The following FRMPD4 variants were observed in gnomAD, a reference collection of about 807,000 sequenced individuals.
FRMPD4 encodes FERM and PDZ domain containing 4, also known as FERM and PDZ domain-containing protein 4.
In FRMPD4, 22 loss-of-function variants were observed where a neutral mutation model predicts 94.1. The ratio of observed to expected loss-of-function variants is 0.23; its 90% CI spans 0.17 to 0.33. The LOEUF is 0.33. FRMPD4 is among the 10% of genes least tolerant of loss of function. FRMPD4 has a pLI of 1.00. For synonymous variants in FRMPD4, 631 were observed against 548.6 expected (o/e 1.15, Z -2.10); for missense variants, 1,111 against 1,339.9 (o/e 0.83, Z 2.67).
chrX:12,647,427 G>A (rs1248425716), intron 4 of FRMPD4, among the ~76,000 whole-genome samples: 1 of 111,634 alleles, frequency 9.0e-6, no homozygotes, highest in Non-Finnish European at 1.9e-5. Context: ...TGAGGGAGTG[G>A]AGGTATTTAT....
intron 1 of FRMPD4, among the ~76,000 whole-genome samples, chrX:12,347,511 C>T (rs2055732938): frequency 1.8e-5 from 2 of 111,797 alleles, no homozygotes; most frequent in Non-Finnish European, 3.8e-5. Context: ...TCTGGGATTA[C>T]AGGCGTGAGC....
At chrX:12,079,954 C>T (rs1188268692) in intron 3 of FRMPD4, among the ~76,000 whole-genome samples, 1 of 112,332 alleles carries the variant, frequency 8.9e-6, no homozygotes, top group Non-Finnish European at 1.9e-5. Context: ...TCTTAATGTG[C>T]CATTTGGATC....
At chrX:12,008,020 G>A (rs2054562795) in intron 3 of FRMPD4, among the ~76,000 whole-genome samples, 1 of 111,496 alleles carries the variant, frequency 9.0e-6, no homozygotes, top group Admixed American at 9.5e-5. Flanking sequence ...AAATGGGCAG[G>A]GCACCAGAAA....
chrX:11,856,030 G>A lies in FRMPD4; in HGVS notation c.-160-9056G>A, dbSNP rs1173045720. ...ATTGACTTACAATTCCACACAGCTG[G>A]GAAGGCCTTAGGAAACTTATAGAGG... On this transcript the variant is annotated intron_variant, in intron 1 of 18. Transcript: ENST00000640291. 1.8e-5 allele frequency among the ~76,000 whole-genome samples: 2 copies of A among 111,998 alleles called. 1 individual carries two copies. The highest frequency in any genetic ancestry group is 5.6e-4 in the East Asian group (2 of 3,603).
chrX:12,371,802 C>T (rs1471551967), intron 1 of FRMPD4, among the ~76,000 whole-genome samples: 3 of 111,283 alleles, frequency 2.7e-5, no homozygotes, highest in South Asian at 7.6e-4. Context: ...ACGCACAGTT[C>T]GATTTGAATT....
At chrX:12,575,307 T>G (rs1355238587) in intron 2 of FRMPD4, among the ~76,000 whole-genome samples, 1 of 90,201 alleles carries the variant, frequency 1.1e-5, no homozygotes, top group Non-Finnish European at 2.2e-5. Flanking sequence ...CATTTATAAG[T>G]AAAGGTCTTT....
At chrX:12,439,054 A>G (rs2057103778) in intron 1 of FRMPD4, among the ~76,000 whole-genome samples, 1 of 111,312 alleles carries the variant, frequency 9.0e-6, no homozygotes, top group South Asian at 3.9e-4. Flanking sequence ...GACTCCATCC[A>G]GAGCAAAGGC....
intron 1 of FRMPD4, among the ~76,000 whole-genome samples, chrX:11,851,950 CAAAAA>C (rs201359187): frequency 4.1e-4 from 28 of 69,042 alleles, no homozygotes; most frequent in African/African-American, 1.0e-3. Context: ...AAATATTATA[CAAAAA>C]AAAAAAAAAA....
chrX:11,988,083 AC>A (rs1256254048), intron 3 of FRMPD4, among the ~76,000 whole-genome samples: 3 of 111,905 alleles, frequency 2.7e-5, no homozygotes, highest in Non-Finnish European at 5.7e-5. Flanking sequence ...ATAGAAAAAA[AC>A]AACCCTAACA....
intron 3 of FRMPD4, among the ~76,000 whole-genome samples, chrX:11,878,348 C>A (rs1363315487): frequency 8.9e-6 from 1 of 112,073 alleles, no homozygotes; most frequent in African/African-American, 3.2e-5. Flanking sequence ...GCTGCCTGTT[C>A]ATTTCTATGG....
chrX:12,125,490 G>A (rs887964522), intron 3 of FRMPD4, among the ~76,000 whole-genome samples: 7 of 110,418 alleles, frequency 6.3e-5, no homozygotes, highest in Non-Finnish European at 7.6e-5. Flanking sequence ...TCCTCTGATG[G>A]GCAATTGGGA....
intron 1 of FRMPD4, among the ~76,000 whole-genome samples, chrX:12,385,594 A>G (rs760694410): frequency 8.9e-6 from 1 of 112,729 alleles, no homozygotes; most frequent in Non-Finnish European, 1.9e-5. Flanking sequence ...ACGCCAATCA[A>G]CAAAAGTTTA....
At chrX:12,016,094 T>C (rs185409152) in intron 3 of FRMPD4, among the ~76,000 whole-genome samples, 191 of 112,264 alleles carry the variant, frequency 1.7e-3, no homozygotes, top group Non-Finnish European at 1.2e-3. Context: ...TTCCATTGGA[T>C]TCTATAACTT....
chrX:12,595,177 T>A (rs1227867965), intron 2 of FRMPD4, among the ~76,000 whole-genome samples: 1 of 111,692 alleles, frequency 9.0e-6, no homozygotes, highest in Non-Finnish European at 1.9e-5. Flanking sequence ...GAGAATTGAA[T>A]GTCTTCCTTG....
At chrX:12,657,601 G>T (rs962859540) in intron 4 of FRMPD4, among the ~76,000 whole-genome samples, 16 of 111,987 alleles carry the variant, frequency 1.4e-4, no homozygotes, top group African/African-American at 4.9e-4. Flanking sequence ...CAAAGGAAGG[G>T]AATTATACAC....
intron 1 of FRMPD4, among the ~76,000 whole-genome samples, chrX:12,455,511 T>C (rs899554203): frequency 1.8e-5 from 2 of 112,093 alleles, no homozygotes; most frequent in African/African-American, 6.5e-5. Context: ...ACATCTCCTA[T>C]GTTCCACAAA....
At position 12,132,755 on chromosome X, in the gene FRMPD4, T is replaced by C. The variant is rs547816424; in HGVS notation, c.95+254737T>C. On this transcript the variant is annotated intron_variant, in intron 3 of 18. Coordinates refer to the FRMPD4 transcript ENST00000640291. ...TCAATAAGGACTGAGCAATGGCTGTTGGATCCAGCTACGTGGAGTCCCTAG... is the reference window on the plus strand; with the variant it reads ...TCAATAAGGACTGAGCAATGGCTGTCGGATCCAGCTACGTGGAGTCCCTAG... Among the ~76,000 whole-genome samples the C allele has an allele frequency of 1.5e-4, 17 of 111,312 alleles. No homozygotes were observed. In the South Asian group the frequency reaches 6.1e-3, roughly 40 times the overall value.
chrX:12,671,734 T>TA (rs2059846562), intron 4 of FRMPD4, among the ~76,000 whole-genome samples: 1 of 110,203 alleles, frequency 9.1e-6, no homozygotes, highest in Admixed American at 9.7e-5. Context: ...TAAAGTATAA[T>TA]AAAAAATAAA....
At chrX:12,268,853 G>A (rs901123302) in intron 1 of FRMPD4, among the ~76,000 whole-genome samples, 2 of 111,803 alleles carry the variant, frequency 1.8e-5, no homozygotes, top group African/African-American at 6.5e-5. Context: ...AAATATCTGC[G>A]GTTGTTTCCC....
Sources: allele counts gnomAD v4.1 joint callset (sites outside exome capture counted in the v4.1 genomes callset), GRCh38; gene constraint gnomAD v4.1.1; transcripts MANE v1.5; gene names NCBI Gene and HGNC (gene_info 2026-07-23, HGNC 2026-07-21).